Variants in PDILT observed in about 807,000 individuals in gnomAD.
PDILT encodes protein disulfide-isomerase-like protein of the testis.
A neutral mutation model predicts 53.7 loss-of-function variants in PDILT; 43 were observed. The ratio of observed to expected loss-of-function variants is 0.80; its 90% confidence interval spans 0.63 to 1.03. The LOEUF (loss-of-function observed/expected upper bound fraction) is 1.03, where lower values mean the gene tolerates loss of function less well. Ranked by LOEUF, PDILT falls within the 50% of genes least tolerant of loss-of-function variation. The pLI is 0.00. For synonymous variants in PDILT, 282 were observed against 274.2 expected (o/e 1.03, Z -0.28); for missense variants, 727 against 712.3 (o/e 1.02, Z -0.24).
rs190225368 is a variant in PDILT, at chr16:20,360,511, G to A, written c.1506+57C>T. 281 of 1,437,200 alleles carry A rather than the reference G, an allele frequency of 2.0e-4. 1 individual carries two copies. The East Asian group carries it at 5.9e-3, about 30-fold the overall frequency. The allele number at this position is 1,437,200 out of a possible 1,614,324, so 89.0% of individuals were successfully genotyped here. ...GCCATACTCTTTTGTTGTCCATTAA[G>A]TTCCTAGGGATTCTGTGTGGGACAG... On this transcript the variant is annotated intron_variant, in intron 11 of 11. Coordinates refer to ENST00000302451, the MANE Select transcript of PDILT (RefSeq NM_174924.2).
chr16:20,367,937 G>T (rs142467459), intron 8 of PDILT, among the ~76,000 whole-genome samples: 1 of 152,164 alleles, frequency 6.6e-6, no homozygotes, highest in Non-Finnish European at 1.5e-5. Flanking sequence ...GTACTATGGG[G>T]TATACAGGAG....
At chr16:20,360,024 T>G (rs1275266761) in intron 11 of PDILT, among the ~76,000 whole-genome samples, 1 of 152,178 alleles carries the variant, frequency 6.6e-6, no homozygotes, top group African/African-American at 2.4e-5. Context: ...GAAACCAACA[T>G]AGAGGAAAAC....
intron 3 of PDILT, among the ~76,000 whole-genome samples, chr16:20,377,188 T>C (rs1966399451): frequency 1.3e-5 from 2 of 152,142 alleles, no homozygotes; most frequent in African/African-American, 4.8e-5. Flanking sequence ...CTTGGGAGGC[T>C]GAGGCAGAAG....
rs753801202 is a variant in PDILT, at chr16:20,365,511, T to A, written c.1146A>T (p.Lys382Asn). The A allele has an allele frequency of 6.2e-7, 1 of 1,614,108 alleles. No individual in the cohort carries two copies. The highest frequency in any genetic ancestry group is 2.2e-5 in the East Asian group (1 of 44,884). Reference protein sequence around the residue: ...TKHQSSEEIPKYWDQGLVKQL... With the variant: ...TKHQSSEEIPNYWDQGLVKQL... ...GCTTAACCAGTCCCTGGTCCCAGTA[T>A]TTTGGAATCTCTTCACTGGATTGAT... The change falls in exon 9 of 12, where the codon AAA becomes AAT. Residue 382 changes from lysine to asparagine, a missense_variant. Coordinates refer to ENST00000302451, the MANE Select transcript of PDILT (RefSeq NM_174924.2).
intron 2 of PDILT, among the ~76,000 whole-genome samples, chr16:20,394,955 T>C (rs555283945): frequency 1.3e-5 from 2 of 152,352 alleles, no homozygotes; most frequent in Admixed American, 1.3e-4. Context: ...GTTATAGCAG[T>C]TAGCTTTCCC....
intron 7 of PDILT, 147 bp downstream of exon 7, chr16:20,372,655 T>C (rs1820525153): frequency 2.2e-6 from 2 of 889,760 alleles, no homozygotes; most frequent in African/African-American, 1.7e-5. Flanking sequence ...GGCATTGACA[T>C]GCAAATCAGA....
chr16:20,360,679 G>A (rs1966087630), intron 10 of PDILT, 22 bp from the exon 11 acceptor site: 1 of 1,545,774 alleles, frequency 6.5e-7, no homozygotes, highest in South Asian at 1.1e-5. Flanking sequence ...ATGGAACAGG[G>A]TCAGGATGGG....
chr16:20,376,644 A>G (rs1966392940), intron 3 of PDILT, among the ~76,000 whole-genome samples: 1 of 152,216 alleles, frequency 6.6e-6, no homozygotes, highest in Non-Finnish European at 1.5e-5. Flanking sequence ...AAATCTCAAT[A>G]AAATATAACT....
At chr16:20,394,679 A>G (rs1236777246) in intron 2 of PDILT, among the ~76,000 whole-genome samples, 1 of 152,234 alleles carries the variant, frequency 6.6e-6, no homozygotes, top group Non-Finnish European at 1.5e-5. Context: ...TGAAGCTGAC[A>G]TTGCTGGCTT....
rs766171133 is a variant in PDILT, at chr16:20,373,118, T to C, written c.686A>G (p.Lys229Arg). ...AATAAGCTTTTGGCGGTTCACAATT[T>C]TTCCCTTGTACAAAAGGAGAAACAT... ...LDSVLVFKKG[K>R]IVNRQKLIND... Residue 229 changes from lysine (K) to arginine (R), a missense_variant, in exon 6 of 12, where the codon AAA (lysine) becomes AGA (arginine). Coordinates refer to ENST00000302451, the MANE Select transcript of PDILT (RefSeq NM_174924.2). 2 of 1,613,706 alleles carry C rather than the reference T, an allele frequency of 1.2e-6. No individual in the cohort carries two copies. The highest frequency in any genetic ancestry group is 2.2e-5 in the South Asian group (2 of 91,056).
At chr16:20,371,154 T>C (rs924398865) in intron 7 of PDILT, among the ~76,000 whole-genome samples, 16 of 151,940 alleles carry the variant, frequency 1.1e-4, no homozygotes, top group African/African-American at 3.9e-4. Context: ...TTCAGCACCA[T>C]GAGGGAGAGA....
chr16:20,373,026 C>A lies in PDILT; in HGVS notation c.778G>T (p.Glu260Ter). ...TACTCACTGACCTCAGTGTTGTATT[C>A]GATCACAAAATCTGTAAGGTGCTGT... is the stretch of plus-strand genomic sequence containing the variant. The part of the protein sequence containing the change: ...IKQHLTDFVI[E>*]YNTENKDLIS... Residue 260 changes from glutamate to a stop codon, truncating the protein, a stop_gained, in exon 6 of 12, where the codon GAA becomes TAA. Transcript: ENST00000302451. LOFTEE classifies it high-confidence loss of function. 6.2e-7 allele frequency: 1 copy of A among 1,614,006 alleles called. No individual in the cohort carries two copies. The highest frequency in any genetic ancestry group is 8.5e-7 in the Non-Finnish European group (1 of 1,179,960).
chr16:20,383,137 C>G (rs1320829124), intron 3 of PDILT, among the ~76,000 whole-genome samples: 1 of 152,150 alleles, frequency 6.6e-6, no homozygotes, highest in Non-Finnish European at 1.5e-5. Flanking sequence ...AGTCAAATGC[C>G]TTGGGGACCT....
chr16:20,372,984 T>C, intron 6 of PDILT, 28 bp downstream of exon 6: 1 of 1,613,470 alleles, frequency 6.2e-7, no homozygotes, highest in South Asian at 1.1e-5. Context: ...CCAGCTCCCC[T>C]TCCTCCGGGG....
At chr16:20,396,337 C>T (rs1291067288) in intron 2 of PDILT, among the ~76,000 whole-genome samples, 1 of 152,160 alleles carries the variant, frequency 6.6e-6, no homozygotes, top group African/African-American at 2.4e-5. Flanking sequence ...TGCATAAGAA[C>T]CAAGATGCAT....
intron 11 of PDILT, 24 bp downstream of exon 11, chr16:20,360,544 C>T (rs1310273014): frequency 1.9e-6 from 3 of 1,573,682 alleles, no homozygotes; most frequent in Non-Finnish European, 2.6e-6. Context: ...CAGAATAATT[C>T]AGAGTATTTC....
intron 4 of PDILT, among the ~76,000 whole-genome samples, 195 bp from the exon 5 acceptor site, chr16:20,375,154 A>G (rs187254896): frequency 6.6e-6 from 1 of 152,324 alleles, no homozygotes; most frequent in East Asian, 1.9e-4. Flanking sequence ...AAGCCAAAAT[A>G]GGCAAGTCCT....
chr16:20,362,294 T>G, intron 10 of PDILT, 110 bp downstream of exon 10: 3 of 1,167,414 alleles, frequency 2.6e-6, no homozygotes, highest in Non-Finnish European at 2.4e-6. Context: ...TGGCTACAGC[T>G]GAGAATAAAA....
At position 20,364,270 on chromosome 16, in the gene PDILT, C is replaced by T. The variant is rs371702521; in HGVS notation, c.1237+1150G>A. 1.2e-4 allele frequency among the ~76,000 whole-genome samples: 19 copies of T among 152,312 alleles called. No homozygotes were observed. In the South Asian group the frequency reaches 1.5e-3, roughly 12 times the overall value. On this transcript the variant is annotated intron_variant, in intron 9 of 11. Transcript: ENST00000302451. ...CATCTAGCCTCTCATTGAAAGGCAGCGGATCTTGGTGATTCAGCCACAGAC... is the reference window on the plus strand; with the variant it reads ...CATCTAGCCTCTCATTGAAAGGCAGTGGATCTTGGTGATTCAGCCACAGAC...
Sources: gnomAD v4.1 joint callset for allele counts (sites outside exome capture counted in the v4.1 genomes callset) on GRCh38, gnomAD v4.1.1 for gene constraint, MANE v1.5 for transcripts, NCBI Gene and HGNC (gene_info 2026-07-23, HGNC 2026-07-21) for gene names.